TECPR1: variants seen among roughly 807,000 people sequenced by gnomAD.
The protein encoded by TECPR1 is tectonin beta-propeller repeat containing 1.
In TECPR1, 122 loss-of-function variants were observed where a neutral mutation model predicts 162.4. That is an observed-to-expected ratio of 0.75 (90% CI 0.65 to 0.87). TECPR1 has a LOEUF of 0.87. Among genes scored for constraint, TECPR1 ranks in the 40% least tolerant of loss-of-function variants. The probability of loss-of-function intolerance (pLI) is 0.00; values close to 1 mark genes in which losing one functional copy is unlikely to be tolerated. For synonymous variants in TECPR1, 642 were observed against 670.6 expected, an observed-to-expected ratio of 0.96 and a Z score of 0.66; for missense variants, 1,432 against 1,618.2, an observed-to-expected ratio of 0.88 and a Z score of 1.97.
At position 98,221,739 on chromosome 7, in the gene TECPR1, G is replaced by A. The variant is rs1798147826; in HGVS notation, c.3079C>T (p.His1027Tyr). 6.2e-7 allele frequency: 1 copy of A among 1,607,994 alleles called. No individual in the cohort carries two copies. Among genetic ancestry groups the A allele is most frequent in the South Asian group, 1.1e-5 (1 of 90,742 alleles). Residue 1027 changes from histidine (H) to tyrosine (Y), a missense_variant, in exon 23 of 26, where the codon CAC (histidine) becomes TAC (tyrosine). Coordinates refer to ENST00000447648, the MANE Select transcript of TECPR1 (RefSeq NM_015395.3). ...PSQPAGDCWY[H>Y]IPSPPRQRLK... is the part of the protein sequence containing the mutation. The stretch of plus-strand genomic sequence containing the variant: ...CTCTGTCTCGGTGGGGACGGGATGT[G>A]GTACCAGCAGTCACCTGCGAAGGGG...
chr7:98,223,317 C>T, intron 20 of TECPR1, 147 bp from the exon 21 acceptor site: 1 of 739,004 alleles, frequency 1.4e-6, no homozygotes, highest in Non-Finnish European at 2.2e-6. Context: ...TCCCCACCCC[C>T]ACCCCCATCC....
In TECPR1 at chr7:98,228,097, ACTGGTGCTG is replaced by A; in HGVS notation, c.2421_2429del (p.Ser808_Ser810del). ...TCACGTCTGACTGCGTGTAGATGTT[ACTGGTGCTG>A]CTGGCCAGGCCTGTGGGGAGAGGTG... On this transcript the variant is annotated inframe_deletion, in exon 17 of 26. Transcript: ENST00000447648. The A allele has an allele frequency of 6.2e-7, 1 of 1,611,450 alleles. No homozygotes were observed. The highest frequency in any genetic ancestry group is 8.5e-7 in the Non-Finnish European group (1 of 1,179,082).
chr7:98,249,872 C>G (rs979669106), intron 2 of TECPR1, among the ~76,000 whole-genome samples: 1 of 151,250 alleles, frequency 6.6e-6, no homozygotes, highest in African/African-American at 2.4e-5. Context: ...GAGCCAAGAT[C>G]GTGTCACCAC....
Position 98,221,753 on chromosome 7 carries a change from C to A in TECPR1, c.3065G>T (p.Gly1022Val). Residue 1022 changes from glycine (G) to valine (V), a missense_variant and splice_region_variant, in exon 23 of 26, where the codon GGT (glycine) becomes GTT (valine). Transcript: ENST00000447648. ...GGACGGGATGTGGTACCAGCAGTCA[C>A]CTGCGAAGGGGAGGCTGACTCAGGC... ...RGSVYPSQPA[G>V]DCWYHIPSPP... 2 of 1,611,828 alleles carry A rather than the reference C, an allele frequency of 1.2e-6. No individual in the cohort carries two copies. Among genetic ancestry groups the A allele is most frequent in the Non-Finnish European group, 1.7e-6 (2 of 1,178,966 alleles).
At position 98,217,940 on chromosome 7, in the gene TECPR1, T is replaced by C; in HGVS notation, c.3260A>G (p.Asp1087Gly). ...ATACCCCCTGAGCACCCCCACCTGGTCCAGGGGCCCCACGGACACTCGGCA... is the reference window on the plus strand; with the variant it reads ...ATACCCCCTGAGCACCCCCACCTGGCCCAGGGGCCCCACGGACACTCGGCA... ...NVCRVSVGPL[D>G]QVWVIANKVQ... is the part of the protein sequence containing the mutation. The change falls in exon 24 of 26, where the codon GAC (aspartate) becomes GGC (glycine). Residue 1087 changes from aspartate (D) to glycine (G), a missense_variant. Physicochemically the swap from Asp to Gly is moderately conservative, Grantham distance 94. Transcript: ENST00000447648. The C allele has an allele frequency of 6.4e-7, 1 of 1,553,940 alleles. No homozygotes were observed. The highest frequency in any genetic ancestry group is 8.7e-7 in the Non-Finnish European group (1 of 1,148,812).
At chr7:98,245,729 C>G (rs1162858877) in intron 3 of TECPR1, among the ~76,000 whole-genome samples, 193 bp downstream of exon 3, 1 of 152,224 alleles carries the variant, frequency 6.6e-6, no homozygotes, top group Non-Finnish European at 1.5e-5. Flanking sequence ...CCGCCACAGC[C>G]TTCCAAAGTG....
chr7:98,218,205 C>T (rs1162688840), intron 23 of TECPR1, among the ~76,000 whole-genome samples, 163 bp from the exon 24 acceptor site: 1 of 152,218 alleles, frequency 6.6e-6, no homozygotes. Flanking sequence ...GCCACAGCCT[C>T]CTCCGCTTCT....
chr7:98,221,785 C>G lies in TECPR1; in HGVS notation c.3065-32G>C, dbSNP rs1242065442. On this transcript the variant is annotated intron_variant, in intron 22 of 25. Transcript: ENST00000447648. ...AGGGGAGGCTGACTCAGGCACGCTG[C>G]CTTCTCCTCCTTGCATGGGCCAGGT... is the stretch of plus-strand genomic sequence containing the variant. 2.5e-6 allele frequency: 4 copies of G among 1,587,316 alleles called. No individual in the cohort carries two copies. In the Admixed American group the frequency reaches 5.1e-5, roughly 20 times the overall value.
In TECPR1 at chr7:98,231,342, G is replaced by A. The variant is rs765073516; in HGVS notation, c.2006C>T (p.Ala669Val). 9.3e-6 allele frequency: 15 copies of A among 1,608,994 alleles called. No homozygotes were observed. The highest frequency in any genetic ancestry group is 6.8e-5 in the Admixed American group (4 of 59,144). ...YIHIFLNEVV[A>V]LVPVLNETKH... ...GGTCTCGTTCAGCACTGGGACCAGC[G>A]CCACCACCTCATTCAGGAATATGTG... is the stretch of plus-strand genomic sequence containing the variant. The change falls in exon 14 of 26, where the codon GCG becomes GTG. Residue 669 changes from alanine (A) to valine (V), a missense_variant. Transcript: ENST00000447648.
rs769206823 is a variant in TECPR1, at chr7:98,244,711, G to A, written c.409-18C>T. The A allele has an allele frequency of 2.7e-5, 44 of 1,601,160 alleles. No homozygotes were observed. The highest frequency in any genetic ancestry group is 3.8e-5 in the Non-Finnish European group (44 of 1,171,506). ...GTCCACCCCTGAAACACCAAGGAAG[G>A]GGCTCTCAGGCTCTGCGGGGAAGGC... On this transcript the variant is annotated intron_variant, in intron 4 of 25. Transcript: ENST00000447648.
chr7:98,221,127 C>T (rs1287335463), intron 23 of TECPR1, among the ~76,000 whole-genome samples: 1 of 151,834 alleles, frequency 6.6e-6, no homozygotes, highest in African/African-American at 2.4e-5. Flanking sequence ...TATGGTGAAA[C>T]CCCGCCTCTA....
At chr7:98,249,705 TTTGGGAGGCCAAGGCGGGCAGA>T (rs1799010913) in intron 2 of TECPR1, among the ~76,000 whole-genome samples, 1 of 152,114 alleles carries the variant, frequency 6.6e-6, no homozygotes, top group African/African-American at 2.4e-5. Context: ...ATCCCAACAC[TTTGGGAGGCCAAGGCGGGCAGA>T]TTGCTTGAGG....
intron 6 of TECPR1, 129 bp downstream of exon 6, chr7:98,243,338 G>A: frequency 2.3e-6 from 3 of 1,305,052 alleles, no homozygotes; most frequent in Non-Finnish European, 3.1e-6. Context: ...AGGAGAGAAA[G>A]GCCAGGAGCA....
In TECPR1 at chr7:98,221,755, T is replaced by C. The variant is rs753594734; in HGVS notation, c.3065-2A>G. The stretch of plus-strand genomic sequence containing the variant: ...ACGGGATGTGGTACCAGCAGTCACC[T>C]GCGAAGGGGAGGCTGACTCAGGCAC... On this transcript the variant is annotated splice_acceptor_variant, in intron 22 of 25. Transcript: ENST00000447648. LOFTEE classifies it high-confidence loss of function. 28 of 1,611,204 alleles carry C rather than the reference T, an allele frequency of 1.7e-5. No homozygotes were observed. The highest frequency in any genetic ancestry group is 2.1e-5 in the Non-Finnish European group (25 of 1,178,732).
Position 98,218,014 on chromosome 7 carries a change from C to A in TECPR1, c.3186G>T (p.Thr1062=). 6.4e-7 allele frequency: 1 copy of A among 1,567,790 alleles called. No individual in the cohort carries two copies. Reference sequence around the variant, plus strand: ...AGCTGGAGCCCTGCGGGTAGCTGGGCGTGATCCCTTGGCGATACCACAGGT... The same window carrying A: ...AGCTGGAGCCCTGCGGGTAGCTGGGAGTGATCCCTTGGCGATACCACAGGT... ...NGNLWYRQGI[T]PSYPQGSSWE... Residue 1062 remains threonine (T), a synonymous_variant, in exon 24 of 26, where the codon ACG becomes ACT. Coordinates refer to ENST00000447648, the MANE Select transcript of TECPR1 (RefSeq NM_015395.3).
At chr7:98,222,549 G>A in intron 21 of TECPR1, 28 bp from the exon 22 acceptor site, 2 of 1,553,326 alleles carry the variant, frequency 1.3e-6, no homozygotes, top group East Asian at 2.4e-5. Flanking sequence ...GGGCGCTGAG[G>A]TCACCAGGGC....
Position 98,233,922 on chromosome 7 carries a change from A to T in TECPR1, c.1182-11T>A. The T allele has an allele frequency of 6.6e-7, 1 of 1,520,400 alleles. No individual in the cohort carries two copies. Among genetic ancestry groups the T allele is most frequent in the Middle Eastern group, 1.7e-4 (1 of 5,840 alleles). 94.2% of individuals were successfully genotyped at this position (1,520,400 alleles called of 1,614,324 possible). ...AAGAAGCAGCCGGCACTGGGGACAAATCAGGGCAGACCCATCACTCCCTTG... is the reference window on the plus strand; with the variant it reads ...AAGAAGCAGCCGGCACTGGGGACAATTCAGGGCAGACCCATCACTCCCTTG... On this transcript the variant is annotated splice_polypyrimidine_tract_variant and intron_variant, in intron 10 of 25. Transcript: ENST00000447648.
In TECPR1 at chr7:98,233,697, C is replaced by G. The variant is rs1798516309; in HGVS notation, c.1396G>C (p.Gly466Arg). The G allele has an allele frequency of 1.2e-6, 2 of 1,610,836 alleles. No homozygotes were observed. The highest frequency in any genetic ancestry group is 3.3e-5 in the Admixed American group (2 of 59,856). ...GTGTTGGGTCTGGCCTCCCTGCTGC[C>G]CTCGGCTGGGCAGGCATCTTCCACG... Reference protein sequence around the residue: ...DTVEDACPAEGSREARPNTHP... With the variant: ...DTVEDACPAERSREARPNTHP... Residue 466 changes from glycine to arginine, a missense_variant, in exon 11 of 26, where the codon GGC (glycine) becomes CGC (arginine). Coordinates refer to ENST00000447648, the MANE Select transcript of TECPR1 (RefSeq NM_015395.3).
At chr7:98,222,235 C>G (rs1430867033) in intron 22 of TECPR1, 151 bp downstream of exon 22, 6 of 1,197,776 alleles carry the variant, frequency 5.0e-6, no homozygotes, top group African/African-American at 3.1e-5. Flanking sequence ...ACCAGGGTGA[C>G]CACCTCCCAG....
Sources: allele counts gnomAD v4.1 joint callset (sites outside exome capture counted in the v4.1 genomes callset), GRCh38; gene constraint gnomAD v4.1.1; transcripts MANE v1.5; gene names NCBI Gene and HGNC (gene_info 2026-07-23, HGNC 2026-07-21).